The following RPAP3 variants were observed in gnomAD, a reference collection of about 807,000 sequenced individuals.
RPAP3 encodes the protein RNA polymerase II-associated protein 3.
In RPAP3, 58 loss-of-function variants were observed where a neutral mutation model predicts 88.8. The observed-to-expected ratio is 0.65, with a 90% CI of 0.53 to 0.81. The LOEUF is 0.81. Ranked by LOEUF, RPAP3 falls within the 40% of genes least tolerant of loss-of-function variation. The probability of loss-of-function intolerance (pLI) is 0.00; values close to 1 mark genes in which losing one functional copy is unlikely to be tolerated. For synonymous variants in RPAP3, 255 were observed against 259.9 expected, an observed-to-expected ratio of 0.98 and a Z score of 0.18; for missense variants, 751 against 764.3, an observed-to-expected ratio of 0.98 and a Z score of 0.20.
At chr12:47,673,566 T>C (rs1160914051) in intron 12 of RPAP3, among the ~76,000 whole-genome samples, 10 of 152,152 alleles carry the variant, frequency 6.6e-5, no homozygotes, top group Admixed American at 6.6e-4. Flanking sequence ...AAACTTTCCT[T>C]TTCTGCCTTT....
intron 16 of RPAP3, among the ~76,000 whole-genome samples, chr12:47,665,909 T>C (rs964961879): frequency 1.3e-5 from 2 of 152,150 alleles, no homozygotes; most frequent in African/African-American, 4.8e-5. Flanking sequence ...ATTACAGGCA[T>C]GAGCCACCAT....
In RPAP3 at chr12:47,697,585, A is replaced by C. The variant is rs1939557798; in HGVS notation, c.417+12T>G. 6.3e-7 allele frequency: 1 copy of C among 1,583,050 alleles called. No homozygotes were observed. The highest frequency in any genetic ancestry group is 8.5e-7 in the Non-Finnish European group (1 of 1,171,096). On this transcript the variant is annotated intron_variant, in intron 4 of 16. Coordinates refer to ENST00000005386, the MANE Select transcript of RPAP3 (RefSeq NM_024604.3). ...CTTACATGAAAAAAAACAAAACCTA[A>C]CTAATTAGTACCTTTTCTTTTAAAA...
At chr12:47,686,545 T>TACACATACATACACACACAC (rs57271770) in intron 9 of RPAP3, among the ~76,000 whole-genome samples, 2 of 145,352 alleles carry the variant, frequency 1.4e-5, no homozygotes, top group Non-Finnish European at 3.0e-5. Context: ...CACATACACA[T>TACACATACATACACACACAC]ACACACACAC....
intron 5 of RPAP3, among the ~76,000 whole-genome samples, chr12:47,691,903 G>A (rs1396586314): frequency 2.6e-5 from 4 of 151,944 alleles, no homozygotes; most frequent in Admixed American, 6.6e-5. Flanking sequence ...CCGCCACCAC[G>A]CCTGGCTAAT....
At chr12:47,696,967 AACCCAAG>A in intron 4 of RPAP3, among the ~76,000 whole-genome samples, 1 of 152,286 alleles carries the variant, frequency 6.6e-6, no homozygotes, top group East Asian at 1.9e-4. Context: ...GTATGGGTAC[AACCCAAG>A]AGCCCAGGCA....
At chr12:47,687,018 A>AAAAATAAAT in intron 8 of RPAP3, 111 bp from the exon 9 acceptor site, 1 of 659,494 alleles carries the variant, frequency 1.5e-6, no homozygotes, top group African/African-American at 1.9e-5. Flanking sequence ...ATTTCAAGAA[A>AAAAATAAAT]GAATATTGTT....
At chr12:47,679,463 G>T in intron 12 of RPAP3, 30 bp downstream of exon 12, 1 of 1,403,102 alleles carries the variant, frequency 7.1e-7, no homozygotes, top group Non-Finnish European at 1.0e-6. Context: ...TATTTAAATG[G>T]CAAGGAAAAA....
intron 16 of RPAP3, among the ~76,000 whole-genome samples, chr12:47,665,348 T>C (rs1056964906): frequency 2.7e-5 from 4 of 150,576 alleles, no homozygotes; most frequent in Admixed American, 2.0e-4. Context: ...AGCTCTTGAC[T>C]TCAGGTGATC....
chr12:47,679,659 TG>T, intron 11 of RPAP3, 44 bp downstream of exon 11: 2 of 1,533,244 alleles, frequency 1.3e-6, no homozygotes, highest in South Asian at 1.2e-5. Flanking sequence ...AATATATTTA[TG>T]TTTCAGAAAA....
At chr12:47,676,793 G>A (rs1176223621) in intron 12 of RPAP3, among the ~76,000 whole-genome samples, 2 of 152,146 alleles carry the variant, frequency 1.3e-5, no homozygotes, top group African/African-American at 4.8e-5. Context: ...CGGATTCACA[G>A]CTGAATTCTA....
rs1257555646 is a variant in RPAP3, at chr12:47,670,332, T to C, written c.1301A>G (p.Lys434Arg). ...ATTACCAGTTTCTTCAATAATAACC[T>C]TCTTGAGTGGTTTCTAAAACAATTA... ...PHPGSTKPLK[K>R]VIIEETGNLI... is the part of the protein sequence containing the mutation. Residue 434 changes from lysine to arginine, a missense_variant, in exon 13 of 17, where the codon AAG becomes AGG. Lys to Arg is a conservative substitution (Grantham distance 26). Coordinates refer to ENST00000005386, the MANE Select transcript of RPAP3 (RefSeq NM_024604.3). 2 of 1,585,914 alleles carry C rather than the reference T, an allele frequency of 1.3e-6. No individual in the cohort carries two copies. The highest frequency in any genetic ancestry group is 1.1e-5 in the South Asian group (1 of 89,452).
intron 5 of RPAP3, among the ~76,000 whole-genome samples, chr12:47,690,940 G>A (rs1939416000): frequency 6.6e-6 from 1 of 152,178 alleles, no homozygotes; most frequent in Non-Finnish European, 1.5e-5. Flanking sequence ...TAATAAGTGT[G>A]CAAAAGCTTT....
intron 9 of RPAP3, among the ~76,000 whole-genome samples, chr12:47,684,547 A>G (rs2136627027): frequency 6.6e-6 from 1 of 152,348 alleles, no homozygotes; most frequent in Non-Finnish European, 1.5e-5. Context: ...TGTGAATCTA[A>G]AAGATACACT....
chr12:47,682,017 C>A (rs887880955), intron 9 of RPAP3, among the ~76,000 whole-genome samples, 200 bp from the exon 10 acceptor site: 5 of 151,940 alleles, frequency 3.3e-5, no homozygotes, highest in African/African-American at 1.2e-4. Context: ...GGAGAAGGTA[C>A]CAGATTGAGG....
At chr12:47,681,389 C>T (rs139781985) in intron 10 of RPAP3, among the ~76,000 whole-genome samples, 1 of 152,202 alleles carries the variant, frequency 6.6e-6, no homozygotes, top group Non-Finnish European at 1.5e-5. Context: ...CGATTCCCTT[C>T]CTTTCCATTC....
At chr12:47,702,938 A>G (rs1298963905) in intron 1 of RPAP3, 92 bp from the exon 2 acceptor site, 3 of 964,440 alleles carry the variant, frequency 3.1e-6, no homozygotes, top group East Asian at 2.6e-5. Context: ...ACCACTTCAT[A>G]AGTGGCCAAG....
intron 12 of RPAP3, among the ~76,000 whole-genome samples, chr12:47,675,823 T>C (rs578022424): frequency 5.3e-5 from 8 of 152,264 alleles, no homozygotes; most frequent in South Asian, 2.1e-4. Flanking sequence ...ACTGTCAATA[T>C]TGGACAGATC....
At chr12:47,668,149 T>G (rs925134458) in intron 14 of RPAP3, among the ~76,000 whole-genome samples, 3 of 152,130 alleles carry the variant, frequency 2.0e-5, no homozygotes, top group Non-Finnish European at 2.9e-5. Context: ...GAGCTGAGAT[T>G]GCGTCATTGC....
chr12:47,666,934 C>T, intron 16 of RPAP3, 46 bp downstream of exon 16: 2 of 939,138 alleles, frequency 2.1e-6, no homozygotes, highest in Non-Finnish European at 1.6e-6. Context: ...TGAATGAATA[C>T]AGGAATGTAC....
Sources: gnomAD v4.1 joint callset for allele counts (sites outside exome capture counted in the v4.1 genomes callset) on GRCh38, gnomAD v4.1.1 for gene constraint, MANE v1.5 for transcripts, NCBI Gene and HGNC (gene_info 2026-07-23, HGNC 2026-07-21) for gene names.